ATP8B4: variants seen among roughly 807,000 people sequenced by gnomAD.
ATP8B4 encodes ATPase phospholipid transporting 8B4 (putative).
A neutral mutation model predicts 145.6 loss-of-function variants in ATP8B4; 133 were observed. The observed-to-expected ratio is 0.91, with a 90% CI of 0.79 to 1.05. The LOEUF is 1.05. Ranked by LOEUF, ATP8B4 falls within the 50% of genes least tolerant of loss-of-function variation. ATP8B4 has a pLI of 0.00. For missense variants in ATP8B4, 1,458 were observed against 1,425.2 expected, an observed-to-expected ratio of 1.02 and a Z score of -0.37; for synonymous variants, 507 against 492.9, an observed-to-expected ratio of 1.03 and a Z score of -0.38.
At chr15:50,168,138 A>G (rs1031518349) in intron 1 of ATP8B4, among the ~76,000 whole-genome samples, 1 of 152,228 alleles carries the variant, frequency 6.6e-6, no homozygotes, top group Non-Finnish European at 1.5e-5. Context: ...ACAAAGAAGT[A>G]AAGGACCTAA....
chr15:50,010,040 G>A (rs965296947), intron 7 of ATP8B4, among the ~76,000 whole-genome samples: 2 of 152,072 alleles, frequency 1.3e-5, no homozygotes, highest in Non-Finnish European at 1.5e-5. Flanking sequence ...TAACTGAGTT[G>A]TTATTCTTGT....
chr15:49,931,192 C>A lies in ATP8B4; in HGVS notation c.1569G>T (p.Leu523Phe). The change falls in exon 16 of 28, where the codon TTG becomes TTT. Residue 523 changes from leucine (L) to phenylalanine (F), a missense_variant. Leu to Phe is a conservative substitution (Grantham distance 22). Transcript: ENST00000284509. The stretch of plus-strand genomic sequence containing the variant: ...GTAATTGATAAGTAACTAGTGTTCC[C>A]AATTCTTCTATTGTTATGGTCTCTG... ...RTPETITIEE[L>F]GTLVTYQLLA... The A allele has an allele frequency of 6.2e-7, 1 of 1,612,364 alleles. No individual in the cohort carries two copies. The highest frequency in any genetic ancestry group is 8.5e-7 in the Non-Finnish European group (1 of 1,178,988).
intron 1 of ATP8B4, among the ~76,000 whole-genome samples, chr15:50,151,160 G>C (rs11070756): frequency 2.6e-5 from 4 of 152,110 alleles, no homozygotes; most frequent in African/African-American, 7.2e-5. Context: ...AAGAAAGTTG[G>C]ATTGGAAGGC....
chr15:49,900,522 A>G (rs2037907282), intron 21 of ATP8B4, among the ~76,000 whole-genome samples: 1 of 152,246 alleles, frequency 6.6e-6, no homozygotes, highest in Admixed American at 6.5e-5. Flanking sequence ...AAGATTCAGA[A>G]TCTGAACTAC....
chr15:49,960,915 G>C (rs749682703), intron 14 of ATP8B4, among the ~76,000 whole-genome samples: 1 of 152,056 alleles, frequency 6.6e-6, no homozygotes, highest in African/African-American at 2.4e-5. Flanking sequence ...GGTGGATCAC[G>C]AGGTCAGGAG....
At position 49,879,410 on chromosome 15, in the gene ATP8B4, G is replaced by T. The variant is rs1328418535; in HGVS notation, c.2747C>A (p.Ser916Ter). Residue 916 changes from serine (S) to a stop codon, truncating the protein, a stop_gained, in exon 24 of 28, where the codon TCA becomes TAA. Transcript: ENST00000284509. LOFTEE classifies it high-confidence loss of function. ...AATCCCCATGGCTAAAACAGGCAGT[G>T]ATGTGTAAACAATGTTAAAAAGGGT... Reference protein sequence around the residue: ...FITLFNIVYTSLPVLAMGIFD... With the variant: ...FITLFNIVYT The T allele has an allele frequency of 1.9e-6, 3 of 1,613,168 alleles. No individual in the cohort carries two copies. The South Asian group carries it at 3.3e-5, about 18-fold the overall frequency.
intron 6 of ATP8B4, among the ~76,000 whole-genome samples, chr15:50,014,012 T>C (rs553475834): frequency 1.2e-4 from 18 of 152,300 alleles, no homozygotes; most frequent in African/African-American, 4.3e-4. Context: ...GGAACACTTT[T>C]GGAAGCAATA....
At chr15:50,130,086 T>C (rs1012938786) in intron 1 of ATP8B4, among the ~76,000 whole-genome samples, 35 of 152,212 alleles carry the variant, frequency 2.3e-4, no homozygotes, top group Non-Finnish European at 1.2e-4. Flanking sequence ...CTCTACTCTA[T>C]ATGAATGTTG....
rs778952107 is a variant in ATP8B4, at chr15:49,876,461, C to T, written c.2844G>A (p.Leu948=). The stretch of plus-strand genomic sequence containing the variant: ...TGAAAAATTTACGCTTGTTAAAAAG[C>T]AGATTCAGCTGTCCTGGTTTGTAGA... ...PQLYKPGQLN[L]LFNKRKFFIC... Residue 948 remains leucine, a synonymous_variant, in exon 25 of 28, where the codon CTG becomes CTA. Coordinates refer to ENST00000284509, the MANE Select transcript of ATP8B4 (RefSeq NM_024837.4). The T allele has an allele frequency of 2.2e-5, 35 of 1,613,978 alleles. No homozygotes were observed. Among genetic ancestry groups the T allele is most frequent in the Non-Finnish European group, 2.8e-5 (33 of 1,179,972 alleles).
intron 9 of ATP8B4, 32 bp downstream of exon 9, chr15:49,996,644 GT>G: frequency 4.0e-6 from 6 of 1,505,890 alleles, no homozygotes; most frequent in Non-Finnish European, 5.5e-6. Flanking sequence ...TGGGTTTGAG[GT>G]TTTTGTTTGT....
intron 13 of ATP8B4, among the ~76,000 whole-genome samples, chr15:49,970,801 C>T (rs1310139402): frequency 6.6e-6 from 1 of 152,144 alleles, no homozygotes; most frequent in East Asian, 1.9e-4. Context: ...CAAAAAAGAG[C>T]CCATATAGCC....
At chr15:50,020,022 A>T (rs147642264) in intron 6 of ATP8B4, among the ~76,000 whole-genome samples, 38 of 151,704 alleles carry the variant, frequency 2.5e-4, no homozygotes, top group African/African-American at 7.3e-4. Context: ...GCATGGCATG[A>T]TCTCTGCTTG....
At chr15:50,111,716 G>A (rs2056954845) in intron 1 of ATP8B4, among the ~76,000 whole-genome samples, 1 of 152,222 alleles carries the variant, frequency 6.6e-6, no homozygotes, top group South Asian at 2.1e-4. Flanking sequence ...GCCAACCTGG[G>A]TGGGTCGTGG....
chr15:50,043,538 GA>G (rs2153604995), intron 5 of ATP8B4, among the ~76,000 whole-genome samples: 1 of 152,084 alleles, frequency 6.6e-6, no homozygotes, highest in African/African-American at 2.4e-5. Context: ...TACTAAACAT[GA>G]AGATGACAAG....
chr15:50,064,815 G>A (rs1340047471), intron 3 of ATP8B4, among the ~76,000 whole-genome samples: 2 of 152,188 alleles, frequency 1.3e-5, no homozygotes, highest in African/African-American at 2.4e-5. Flanking sequence ...AGGCAAAGGG[G>A]AAGCAGGCAC....
intron 10 of ATP8B4, 128 bp from the exon 11 acceptor site, chr15:49,981,422 G>A: frequency 1.5e-6 from 1 of 684,342 alleles, no homozygotes; most frequent in Non-Finnish European, 2.3e-6. Context: ...TTTATTAAGA[G>A]CAAGGGCCAT....
intron 3 of ATP8B4, among the ~76,000 whole-genome samples, chr15:50,060,360 A>T (rs2052922531): frequency 6.6e-6 from 1 of 152,188 alleles, no homozygotes; most frequent in South Asian, 2.1e-4. Context: ...CATATTCACC[A>T]CAACGAAACA....
At chr15:50,181,781 G>A (rs2044850526) in intron 1 of ATP8B4, among the ~76,000 whole-genome samples, 1 of 152,182 alleles carries the variant, frequency 6.6e-6, no homozygotes, top group Non-Finnish European at 1.5e-5. Flanking sequence ...TTGGGACCAG[G>A]AAGGAGAGAT....
intron 1 of ATP8B4, among the ~76,000 whole-genome samples, chr15:50,152,640 A>C (rs2153680943): frequency 6.6e-6 from 1 of 152,350 alleles, no homozygotes; most frequent in Non-Finnish European, 1.5e-5. Flanking sequence ...AAGTCTGTCA[A>C]AGACATCAAA....
Sources: gnomAD v4.1 joint callset for allele counts (sites outside exome capture counted in the v4.1 genomes callset) on GRCh38, gnomAD v4.1.1 for gene constraint, MANE v1.5 for transcripts, NCBI Gene and HGNC (gene_info 2026-07-23, HGNC 2026-07-21) for gene names.